SCD5: variants seen among roughly 807,000 people sequenced by gnomAD.
SCD5 encodes the protein stearoyl-CoA desaturase 5, also known as acyl-CoA-desaturase 4.
Under a neutral mutation model 30.4 loss-of-function variants are expected in SCD5, and 20 were observed. That is an observed-to-expected ratio of 0.66 (90% CI 0.46 to 0.96). The LOEUF is 0.96. SCD5 is among the 40% of genes least tolerant of loss of function. SCD5 has a pLI of 0.00. For missense variants in SCD5, 381 were observed against 443.3 expected (o/e 0.86, Z 1.26); for synonymous variants, 173 against 176.4 (o/e 0.98, Z 0.16).
At chr4:82,747,074 C>CCCCCA (rs796695522) in intron 1 of SCD5, among the ~76,000 whole-genome samples, 1 of 149,062 alleles carries the variant, frequency 6.7e-6, no homozygotes, top group Non-Finnish European at 1.5e-5. Flanking sequence ...AACCTGCCCC[C>CCCCCA]CAAGAAAGAC....
At chr4:82,784,224 C>T (rs1384591921) in intron 1 of SCD5, among the ~76,000 whole-genome samples, 1 of 152,084 alleles carries the variant, frequency 6.6e-6, no homozygotes. Flanking sequence ...TTCTCTTTAC[C>T]TTTGTATATG....
At chr4:82,687,637 C>G (rs1728740621) in intron 2 of SCD5, among the ~76,000 whole-genome samples, 1 of 152,152 alleles carries the variant, frequency 6.6e-6, no homozygotes, top group South Asian at 2.1e-4. Flanking sequence ...GTATTTTGTG[C>G]CTCCATTACT....
chr4:82,757,264 G>C (rs1721252081), intron 1 of SCD5, among the ~76,000 whole-genome samples: 1 of 152,102 alleles, frequency 6.6e-6, no homozygotes. Context: ...CTGTGGAAAA[G>C]TCCTTTAGGT....
intron 3 of SCD5, among the ~76,000 whole-genome samples, chr4:82,666,245 A>G (rs903006750): frequency 1.3e-5 from 2 of 152,220 alleles, no homozygotes; most frequent in Non-Finnish European, 2.9e-5. Context: ...AATAGATTGA[A>G]TTCTTTAGAA....
chr4:82,665,096 A>T (rs542260450), intron 3 of SCD5, among the ~76,000 whole-genome samples: 1 of 143,518 alleles, frequency 7.0e-6, no homozygotes, highest in African/African-American at 2.6e-5. Flanking sequence ...TAATTTAATC[A>T]GGCATGGTGG....
At chr4:82,781,220 G>T (rs1021741032) in intron 1 of SCD5, among the ~76,000 whole-genome samples, 2 of 152,128 alleles carry the variant, frequency 1.3e-5, no homozygotes, top group Non-Finnish European at 2.9e-5. Context: ...TTCGAGACCA[G>T]CCTGGGCAAC....
At chr4:82,679,543 T>C (rs1286890445) in intron 3 of SCD5, among the ~76,000 whole-genome samples, 2 of 152,234 alleles carry the variant, frequency 1.3e-5, no homozygotes, top group South Asian at 2.1e-4. Flanking sequence ...GCATTTTCCA[T>C]GCATTTTAAA....
chr4:82,774,169 G>A (rs895337454), intron 1 of SCD5, among the ~76,000 whole-genome samples: 1 of 150,556 alleles, frequency 6.6e-6, no homozygotes, highest in Non-Finnish European at 1.5e-5. Context: ...TATTAAGGAT[G>A]TGCATGAGGA....
chr4:82,792,616 G>A (rs1722123497), intron 1 of SCD5, among the ~76,000 whole-genome samples: 1 of 152,198 alleles, frequency 6.6e-6, no homozygotes, highest in South Asian at 2.1e-4. Context: ...GGCTACTTGG[G>A]AGGCTGAGGT....
intron 1 of SCD5, among the ~76,000 whole-genome samples, chr4:82,753,776 C>T (rs950292182): frequency 7.9e-5 from 12 of 152,090 alleles, no homozygotes; most frequent in Non-Finnish European, 1.3e-4. Flanking sequence ...GGAAAAGCAG[C>T]CAGCACATAC....
Position 82,686,183 on chromosome 4 carries a change from A to G in SCD5, c.364-5271T>C, listed in dbSNP as rs1728700066. Reference sequence around the variant, plus strand: ...ACTATGCCCAGCTAATTTTTTTATTATTTGTAGGGATGGGGTCTCACTATG... The same window carrying G: ...ACTATGCCCAGCTAATTTTTTTATTGTTTGTAGGGATGGGGTCTCACTATG... On this transcript the variant is annotated intron_variant, in intron 2 of 4. Coordinates refer to ENST00000319540, the MANE Select transcript of SCD5 (RefSeq NM_001037582.3). 2.0e-5 allele frequency among the ~76,000 whole-genome samples: 3 copies of G among 151,704 alleles called. No homozygotes were observed. The South Asian group carries it at 6.2e-4, about 32-fold the overall frequency.
intron 2 of SCD5, among the ~76,000 whole-genome samples, chr4:82,704,321 G>A (rs1040618520): frequency 3.3e-5 from 5 of 152,146 alleles, no homozygotes; most frequent in African/African-American, 4.8e-5. Context: ...AGCACTTTTC[G>A]CAATCACCAT....
At chr4:82,656,467 T>C (rs1578007838) in intron 3 of SCD5, among the ~76,000 whole-genome samples, 1 of 152,234 alleles carries the variant, frequency 6.6e-6, no homozygotes, top group Non-Finnish European at 1.5e-5. Flanking sequence ...TATTCCATGG[T>C]ATATATGTGC....
At chr4:82,773,001 G>C (rs1339740034) in intron 1 of SCD5, among the ~76,000 whole-genome samples, 2 of 152,304 alleles carry the variant, frequency 1.3e-5, no homozygotes, top group East Asian at 3.9e-4. Context: ...TTAATGGATA[G>C]GGCAACATTT....
intron 1 of SCD5, among the ~76,000 whole-genome samples, chr4:82,711,687 T>C (rs924337206): frequency 6.8e-6 from 1 of 146,174 alleles, no homozygotes; most frequent in South Asian, 2.2e-4. Context: ...GCCTGGGTGA[T>C]AAAGTAAGAC....
chr4:82,773,824 C>T (rs769555786), intron 1 of SCD5, among the ~76,000 whole-genome samples: 7 of 151,982 alleles, frequency 4.6e-5, no homozygotes, highest in African/African-American at 7.2e-5. Context: ...AGAGGCCGGG[C>T]GTGGTGGCTC....
chr4:82,672,326 T>C (rs1213687707), intron 3 of SCD5, among the ~76,000 whole-genome samples: 2 of 151,792 alleles, frequency 1.3e-5, no homozygotes, highest in African/African-American at 2.4e-5. Flanking sequence ...AAAAAAGAGG[T>C]AGGGCACAAA....
chr4:82,689,076 AT>A, intron 2 of SCD5, among the ~76,000 whole-genome samples: 1 of 152,352 alleles, frequency 6.6e-6, no homozygotes, highest in East Asian at 1.9e-4. Context: ...CTAGAAAACA[AT>A]GATAACCCAA....
intron 1 of SCD5, among the ~76,000 whole-genome samples, chr4:82,712,053 A>C (rs1007779832): frequency 6.6e-6 from 1 of 150,572 alleles, no homozygotes; most frequent in Admixed American, 6.6e-5. Flanking sequence ...CTTTATACAC[A>C]GTAACTCATT....
Sources: allele counts gnomAD v4.1 joint callset (sites outside exome capture counted in the v4.1 genomes callset), GRCh38; gene constraint gnomAD v4.1.1; transcripts MANE v1.5; gene names NCBI Gene and HGNC (gene_info 2026-07-23, HGNC 2026-07-21).